UNC13C: variants seen among roughly 807,000 people sequenced by gnomAD.
UNC13C encodes protein unc-13 homolog C.
A neutral mutation model predicts 245.4 loss-of-function variants in UNC13C; 174 were observed. The observed-to-expected ratio is 0.71, with a 90% CI of 0.63 to 0.80. The LOEUF (loss-of-function observed/expected upper bound fraction) is 0.80. Among genes scored for constraint, UNC13C ranks in the 30% least tolerant of loss-of-function variants. The pLI, the probability that UNC13C is intolerant of heterozygous loss-of-function variation, is 0.00. For missense variants in UNC13C, 2,829 were observed against 2,602.9 expected (o/e 1.09, Z -1.89); for synonymous variants, 992 against 895.1 (o/e 1.11, Z -1.93).
At chr15:53,953,720 T>A in the UNC13C span, among the ~76,000 whole-genome samples, 1 of 152,198 alleles carries the variant, frequency 6.6e-6, no homozygotes, top group Non-Finnish European at 1.5e-5. Flanking sequence ...ATTTAACCTG[T>A]GAGGTCATAG....
At chr15:54,276,791 T>G (rs1189901609) in intron 10 of UNC13C, among the ~76,000 whole-genome samples, 3 of 152,150 alleles carry the variant, frequency 2.0e-5, no homozygotes, top group Non-Finnish European at 4.4e-5. Context: ...TTACGACATT[T>G]GAGACCATTT....
chr15:54,118,139 G>A (rs2030403820), intron 2 of UNC13C, among the ~76,000 whole-genome samples: 1 of 151,706 alleles, frequency 6.6e-6, no homozygotes, highest in Non-Finnish European at 1.5e-5. Flanking sequence ...GGCCTTTTGA[G>A]TTCTTACGTG....
At chr15:54,222,084 A>T (rs1306505059) in intron 4 of UNC13C, among the ~76,000 whole-genome samples, 1 of 152,136 alleles carries the variant, frequency 6.6e-6, no homozygotes, top group African/African-American at 2.4e-5. Context: ...TCAAGAATGT[A>T]TGCTTTCTTT....
In UNC13C at chr15:54,381,604, C is replaced by T. The variant is rs373474445; in HGVS notation, c.4714-11444C>T. Among the ~76,000 whole-genome samples, 55 of 152,116 alleles carry T rather than the reference C, an allele frequency of 3.6e-4. No homozygotes were observed. In the South Asian group the frequency reaches 0.01, roughly 29 times the overall value. ...CATAAACATTGGACATCTTTTTATT[C>T]ATTTGTGTCTTTTTAAATTTCTTTT... is the stretch of plus-strand genomic sequence containing the variant. On this transcript the variant is annotated intron_variant, in intron 17 of 32. Transcript: ENST00000260323.
At chr15:53,854,880 T>G in the UNC13C span, among the ~76,000 whole-genome samples, 1 of 152,192 alleles carries the variant, frequency 6.6e-6, no homozygotes, top group Non-Finnish European at 1.5e-5. Context: ...ATAAATTACT[T>G]TGGGTAGTAT....
At chr15:54,175,365 G>T (rs1027478274) in intron 4 of UNC13C, among the ~76,000 whole-genome samples, 27 of 152,100 alleles carry the variant, frequency 1.8e-4, no homozygotes, top group African/African-American at 5.3e-4. Flanking sequence ...TGTCCAATCT[G>T]TCTCCAGTAG....
intron 17 of UNC13C, among the ~76,000 whole-genome samples, chr15:54,361,908 T>G (rs1253660067): frequency 2.9e-5 from 3 of 103,068 alleles, no homozygotes; most frequent in Non-Finnish European, 4.3e-5. Flanking sequence ...TGTCCTGCTA[T>G]TTTTTTCTAG....
At chr15:53,882,523 A>G in the UNC13C span, among the ~76,000 whole-genome samples, 2 of 152,204 alleles carry the variant, frequency 1.3e-5, no homozygotes, top group Non-Finnish European at 2.9e-5. Context: ...TCACATTGGC[A>G]AGCCTTGATG....
At chr15:54,158,521 ATG>A (rs1346179105) in intron 4 of UNC13C, among the ~76,000 whole-genome samples, 1 of 151,998 alleles carries the variant, frequency 6.6e-6, no homozygotes. Context: ...GGATTTCACT[ATG>A]TTAGCTAGGA....
In UNC13C at chr15:54,013,448, G is replaced by C; in HGVS notation, c.545G>C (p.Arg182Pro). 3 of 1,613,760 alleles carry C rather than the reference G, an allele frequency of 1.9e-6. No homozygotes were observed. The highest frequency in any genetic ancestry group is 3.3e-5 in the Admixed American group (2 of 59,974). Residue 182 changes from arginine (R) to proline (P), a missense_variant, in exon 2 of 33, where the codon CGA becomes CCA. Coordinates refer to ENST00000260323, the MANE Select transcript of UNC13C (RefSeq NM_001080534.3). ...CATGGCTTAAAACTGGGAGCTTTAC[G>C]AAAACTGAGAAAATGGAAAAAGAGT... Reference protein sequence around the residue: ...TLHGLKLGALRKLRKWKKSQE... With the variant: ...TLHGLKLGALPKLRKWKKSQE...
intron 4 of UNC13C, among the ~76,000 whole-genome samples, chr15:54,200,088 GA>G (rs2034476489): frequency 6.6e-6 from 1 of 152,012 alleles, no homozygotes; most frequent in African/African-American, 2.4e-5. Context: ...AAGACAAAGA[GA>G]GACATTATAT....
the UNC13C span, among the ~76,000 whole-genome samples, chr15:53,927,978 A>G: frequency 4.6e-5 from 7 of 152,174 alleles, no homozygotes; most frequent in African/African-American, 7.2e-5. Flanking sequence ...TAAGTACTCA[A>G]AGTTTGACAA....
chr15:54,079,680 A>G (rs1358315194), intron 2 of UNC13C, among the ~76,000 whole-genome samples: 1 of 152,100 alleles, frequency 6.6e-6, no homozygotes, highest in Non-Finnish European at 1.5e-5. Flanking sequence ...AAACTGCTGA[A>G]GTTCTTTATC....
chr15:54,149,555 C>A (rs1353743424), intron 4 of UNC13C, among the ~76,000 whole-genome samples: 1 of 152,184 alleles, frequency 6.6e-6, no homozygotes, highest in Non-Finnish European at 1.5e-5. Flanking sequence ...TTTACTTAGG[C>A]AATTGCAAAC....
the UNC13C span, among the ~76,000 whole-genome samples, chr15:53,865,859 G>C: frequency 6.6e-6 from 1 of 152,048 alleles, no homozygotes; most frequent in South Asian, 2.1e-4. Flanking sequence ...AATGTAAGTT[G>C]ACTGTGAAAT....
intron 2 of UNC13C, among the ~76,000 whole-genome samples, chr15:54,033,350 T>G (rs1896443490): frequency 6.6e-6 from 1 of 152,200 alleles, no homozygotes. Flanking sequence ...ACACTGTTAC[T>G]TTGGATATAC....
intron 31 of UNC13C, 91 bp from the exon 32 acceptor site, chr15:54,623,704 A>G (rs2141315332): frequency 8.4e-7 from 1 of 1,191,492 alleles, no homozygotes; most frequent in Non-Finnish European, 1.2e-6. Flanking sequence ...GGGCACTATT[A>G]TTAAGTTTTG....
At chr15:54,270,635 G>T (rs978798721) in intron 10 of UNC13C, among the ~76,000 whole-genome samples, 2 of 151,906 alleles carry the variant, frequency 1.3e-5, no homozygotes, top group African/African-American at 4.8e-5. Context: ...GAATAGTGAG[G>T]CCAAGGGAGA....
intron 2 of UNC13C, among the ~76,000 whole-genome samples, chr15:54,073,643 C>T (rs532928063): frequency 6.6e-6 from 1 of 152,000 alleles, no homozygotes; most frequent in Non-Finnish European, 1.5e-5. Context: ...TGATGATGAG[C>T]ATTTTTTCAT....
Sources: allele counts gnomAD v4.1 joint callset (sites outside exome capture counted in the v4.1 genomes callset), GRCh38; gene constraint gnomAD v4.1.1; transcripts MANE v1.5; gene names NCBI Gene and HGNC (gene_info 2026-07-23, HGNC 2026-07-21).